GREB1L: variants seen among roughly 807,000 people sequenced by gnomAD.
GREB1L encodes the protein GREB1-like protein.
A neutral mutation model predicts 200.8 loss-of-function variants in GREB1L; 17 were observed. The ratio of observed to expected loss-of-function variants is 0.08; its 90% confidence interval spans 0.06 to 0.13. GREB1L has a LOEUF of 0.13. GREB1L is among the 10% of genes least tolerant of loss of function. The pLI, the probability that GREB1L is intolerant of heterozygous loss-of-function variation, is 1.00. For missense variants in GREB1L, 1,657 were observed against 2,367.7 expected (o/e 0.70, Z 6.23); for synonymous variants, 789 against 893.0 (o/e 0.88, Z 2.08).
chr18:21,328,505 A>G (rs867089538), intron 1 of GREB1L, among the ~76,000 whole-genome samples: 1 of 152,316 alleles, frequency 6.6e-6, no homozygotes, highest in South Asian at 2.1e-4. Context: ...AATTGTGTCC[A>G]GCCCTCATGT....
chr18:21,337,707 C>G (rs1352228760), intron 1 of GREB1L, among the ~76,000 whole-genome samples: 1 of 152,108 alleles, frequency 6.6e-6, no homozygotes, highest in South Asian at 2.1e-4. Flanking sequence ...CTTTTTTTCA[C>G]CGGGTGCAGT....
chr18:21,459,354 C>T (rs1368155975), intron 15 of GREB1L, among the ~76,000 whole-genome samples: 2 of 140,740 alleles, frequency 1.4e-5, no homozygotes, highest in African/African-American at 2.7e-5. Context: ...GGCACAATCT[C>T]GGCTCACTGC....
At chr18:21,518,820 ACCTCCAGGC>A (rs1002664912) in intron 31 of GREB1L, among the ~76,000 whole-genome samples, 4 of 152,162 alleles carry the variant, frequency 2.6e-5, no homozygotes, top group Admixed American at 6.5e-5. Context: ...TGCCACTTGC[ACCTCCAGGC>A]TCCTACTACT....
At chr18:21,298,205 T>C (rs913381540) in intron 1 of GREB1L, among the ~76,000 whole-genome samples, 29 of 152,176 alleles carry the variant, frequency 1.9e-4, no homozygotes, top group African/African-American at 6.0e-4. Context: ...TTCTGGGAAT[T>C]CTTCCCTAGT....
At chr18:21,408,794 CAAAAAAA>C (rs58262799) in intron 7 of GREB1L, among the ~76,000 whole-genome samples, 1 of 73,614 alleles carries the variant, frequency 1.4e-5, no homozygotes, top group African/African-American at 5.5e-5. Flanking sequence ...AATTCCATCT[CAAAAAAA>C]AAAAAAAAAA....
At chr18:21,347,495 G>A (rs117210854) in intron 1 of GREB1L, among the ~76,000 whole-genome samples, 1,931 of 149,846 alleles carry the variant, frequency 0.013, 25 homozygotes, top group Non-Finnish European at 0.019. Context: ...TTGCTTTGTC[G>A]CTCAGGCTGG....
intron 4 of GREB1L, 125 bp from the exon 5 acceptor site, chr18:21,395,260 A>G (rs980367856): frequency 4.2e-6 from 3 of 718,172 alleles, no homozygotes; most frequent in Non-Finnish European, 7.0e-6. Flanking sequence ...GTATAGGGGT[A>G]TAGGGACTTT....
At chr18:21,354,203 A>G (rs945315628) in intron 1 of GREB1L, among the ~76,000 whole-genome samples, 2 of 152,340 alleles carry the variant, frequency 1.3e-5, no homozygotes, top group African/African-American at 2.4e-5. Flanking sequence ...CAATTGTCAC[A>G]TAAGAATTCT....
chr18:21,329,012 C>T (rs2039066338), intron 1 of GREB1L, among the ~76,000 whole-genome samples: 1 of 152,072 alleles, frequency 6.6e-6, no homozygotes, highest in African/African-American at 2.4e-5. Flanking sequence ...CTGCTGTAAG[C>T]ACAATTAGAC....
chr18:21,382,530 C>T (rs1484796249), intron 2 of GREB1L, among the ~76,000 whole-genome samples: 6 of 143,182 alleles, frequency 4.2e-5, no homozygotes, highest in Non-Finnish European at 9.0e-5. Context: ...TTGCTCTTGT[C>T]GCCCAGGCTG....
intron 4 of GREB1L, among the ~76,000 whole-genome samples, chr18:21,393,239 C>T (rs1479434086): frequency 6.6e-6 from 1 of 152,106 alleles, no homozygotes; most frequent in African/African-American, 2.4e-5. Context: ...GTGCTCTCCT[C>T]GGGTTTGTGT....
chr18:21,387,974 T>G (rs1187348209), intron 4 of GREB1L, among the ~76,000 whole-genome samples: 1 of 152,202 alleles, frequency 6.6e-6, no homozygotes, highest in East Asian at 1.9e-4. Context: ...CTGATCTGAA[T>G]CCCAGCAATG....
intron 19 of GREB1L, among the ~76,000 whole-genome samples, chr18:21,491,840 A>G (rs1485733108): frequency 2.0e-5 from 3 of 152,208 alleles, no homozygotes; most frequent in Non-Finnish European, 2.9e-5. Context: ...TGGAACAAAT[A>G]AAATTGTCCA....
At chr18:21,245,344 CTAAGAA>C (rs895288658) in intron 1 of GREB1L, among the ~76,000 whole-genome samples, 10 of 151,942 alleles carry the variant, frequency 6.6e-5, no homozygotes, top group Non-Finnish European at 1.5e-4. Flanking sequence ...GTTTGGGATC[CTAAGAA>C]TAAGAACTAG....
chr18:21,490,528 A>G (rs2036291470), intron 19 of GREB1L, among the ~76,000 whole-genome samples, 177 bp downstream of exon 19: 1 of 152,158 alleles, frequency 6.6e-6, no homozygotes, highest in Non-Finnish European at 1.5e-5. Context: ...GTTTGTAAAG[A>G]TTGCCCAGCC....
chr18:21,476,393 GGA>G (rs140892061), intron 16 of GREB1L, among the ~76,000 whole-genome samples: 1 of 150,926 alleles, frequency 6.6e-6, no homozygotes, highest in Admixed American at 6.6e-5. Context: ...AGGAAGGGAG[GGA>G]GAGAGAGAGA....
intron 7 of GREB1L, among the ~76,000 whole-genome samples, chr18:21,422,225 TG>T (rs1208887409): frequency 6.6e-6 from 1 of 152,200 alleles, no homozygotes; most frequent in Non-Finnish European, 1.5e-5. Context: ...CACAGCCCCA[TG>T]GTTCAAATTC....
chr18:21,284,163 T>TA (rs943007120), intron 1 of GREB1L, among the ~76,000 whole-genome samples: 12 of 151,076 alleles, frequency 7.9e-5, no homozygotes, highest in South Asian at 2.1e-4. Flanking sequence ...TCTGTTAAAA[T>TA]AAAAAAAAAG....
At chr18:21,419,864 A>G (rs1339182409) in intron 7 of GREB1L, among the ~76,000 whole-genome samples, 2 of 152,138 alleles carry the variant, frequency 1.3e-5, no homozygotes, top group Non-Finnish European at 2.9e-5. Flanking sequence ...ACTTTGATCT[A>G]TGTCTCACAC....
Sources: gnomAD v4.1 joint callset for allele counts (sites outside exome capture counted in the v4.1 genomes callset) on GRCh38, gnomAD v4.1.1 for gene constraint, MANE v1.5 for transcripts, NCBI Gene and HGNC (gene_info 2026-07-23, HGNC 2026-07-21) for gene names.